The following CSGALNACT1 variants were observed in gnomAD, a reference collection of about 807,000 sequenced individuals.
CSGALNACT1 encodes chondroitin sulfate N-acetylgalactosaminyltransferase 1.
A neutral mutation model predicts 51.0 loss-of-function variants in CSGALNACT1; 52 were observed. That is an observed-to-expected ratio of 1.02 (90% CI 0.82 to 1.29). The LOEUF (loss-of-function observed/expected upper bound fraction) is 1.29, where lower values mean the gene tolerates loss of function less well. Ranked by LOEUF, CSGALNACT1 falls within the 50% of genes most tolerant of loss-of-function variation. The pLI is 0.00. For synonymous variants in CSGALNACT1, 341 were observed against 254.4 expected (o/e 1.34, Z -3.24); for missense variants, 935 against 679.2 (o/e 1.38, Z -4.19).
intron 6 of CSGALNACT1, among the ~76,000 whole-genome samples, chr8:19,433,684 T>G (rs1044926993): frequency 6.6e-6 from 1 of 152,178 alleles, no homozygotes; most frequent in Non-Finnish European, 1.5e-5. Context: ...AACTCTCTGG[T>G]TGTGATGTTT....
intron 5 of CSGALNACT1, among the ~76,000 whole-genome samples, chr8:19,444,151 G>T (rs1482808365): frequency 6.6e-6 from 1 of 152,218 alleles, no homozygotes; most frequent in Admixed American, 6.5e-5. Context: ...TGGACCAGGA[G>T]TTGGGGCCCC....
chr8:19,612,776 TTC>T (rs2052450025), intron 1 of CSGALNACT1, among the ~76,000 whole-genome samples: 1 of 151,916 alleles, frequency 6.6e-6, no homozygotes, highest in African/African-American at 2.4e-5. Flanking sequence ...AAAGTGGCTA[TTC>T]TCTCTTTGCA....
At chr8:19,752,196 CTATAT>C (rs1024291343) in intron 1 of CSGALNACT1, among the ~76,000 whole-genome samples, 1 of 147,582 alleles carries the variant, frequency 6.8e-6, no homozygotes, top group Non-Finnish European at 1.5e-5. Context: ...ATAATATATA[CTATAT>C]ATCTTATATG....
intron 4 of CSGALNACT1, 41 bp from the exon 4 acceptor site, chr8:19,458,683 A>G: frequency 6.3e-7 from 1 of 1,590,104 alleles, no homozygotes; most frequent in East Asian, 2.2e-5. Context: ...CTAAAAATTA[A>G]CCTTGGCTGC....
intron 1 of CSGALNACT1, among the ~76,000 whole-genome samples, chr8:19,608,957 T>G (rs1222210725): frequency 6.6e-6 from 1 of 152,226 alleles, no homozygotes; most frequent in Non-Finnish European, 1.5e-5. Flanking sequence ...AAATGGTCTC[T>G]CATTATCTTG....
intron 1 of CSGALNACT1, among the ~76,000 whole-genome samples, chr8:19,654,737 G>A (rs1214472599): frequency 6.6e-6 from 1 of 151,900 alleles, no homozygotes; most frequent in Non-Finnish European, 1.5e-5. Context: ...TAGAGACAGG[G>A]TTTTGCTATG....
intron 5 of CSGALNACT1, among the ~76,000 whole-genome samples, chr8:19,443,566 T>TTG (rs2061659805): frequency 6.6e-6 from 1 of 152,162 alleles, no homozygotes; most frequent in Admixed American, 6.5e-5. Context: ...GCAAGAGAGC[T>TTG]TGTGCAGGGG....
At chr8:19,410,631 G>A (rs1000682900) in intron 8 of CSGALNACT1, among the ~76,000 whole-genome samples, 10 of 152,340 alleles carry the variant, frequency 6.6e-5, no homozygotes, top group African/African-American at 2.2e-4. Context: ...CTGCACTGAT[G>A]TAGGGCCTTT....
At chr8:19,460,600 G>C (rs1274930801) in intron 4 of CSGALNACT1, among the ~76,000 whole-genome samples, 2 of 152,168 alleles carry the variant, frequency 1.3e-5, no homozygotes, top group Admixed American at 1.3e-4. Flanking sequence ...TCAATCTCCA[G>C]GGAGAAATCT....
chr8:19,505,574 C>T (rs775582519), exon 4 of CSGALNACT1: 29 of 1,614,062 alleles, frequency 1.8e-5, no homozygotes, highest in Non-Finnish European at 2.3e-5. Flanking sequence ...CACTCCTCTC[C>T]TGCAGCTCCT....
intron 2 of CSGALNACT1, among the ~76,000 whole-genome samples, chr8:19,592,494 G>A (rs1035972075): frequency 6.6e-5 from 10 of 152,222 alleles, no homozygotes; most frequent in Non-Finnish European, 1.5e-4. Flanking sequence ...GCCCATGCCT[G>A]TAATCCCAGC....
chr8:19,505,698 G>T lies in CSGALNACT1; in HGVS notation c.137C>A (p.Pro46His), dbSNP rs983236351. ...CTTCCCCGTGGGGCTGTTGGCCCTG[G>T]GCAGTGCCAGCTGCTCCTCGTCACC... The change falls in exon 4 of 10, where the codon CCC (proline) becomes CAC (histidine). Residue 46 changes from proline (P) to histidine (H), a missense_variant. Physicochemically the swap from Pro to His is moderately conservative, Grantham distance 77 (BLOSUM62 -2). Coordinates refer to ENST00000454498, the Ensembl canonical transcript of CSGALNACT1. 5.0e-6 allele frequency: 8 copies of T among 1,614,032 alleles called. No individual in the cohort carries two copies. The African/African-American group carries it at 6.7e-5, about 13-fold the overall frequency.
At chr8:19,485,627 A>C (rs1469711687) in intron 4 of CSGALNACT1, among the ~76,000 whole-genome samples, 2 of 152,110 alleles carry the variant, frequency 1.3e-5, no homozygotes, top group Non-Finnish European at 2.9e-5. Context: ...ACAAGATGAG[A>C]TTAATCATTC....
Position 19,506,149 on chromosome 8 carries a change from G to C in CSGALNACT1, c.-296-19C>G. On this transcript the variant is annotated intron_variant, in intron 3 of 9. Coordinates refer to ENST00000454498, the Ensembl canonical transcript of CSGALNACT1. ...AGGGGACCTGGGAAGAAACACAAAT[G>C]ACATCAACACTTAATCAAGACAACG... 1.4e-5 allele frequency: 8 copies of C among 563,894 alleles called. No individual in the cohort carries two copies. The highest frequency in any genetic ancestry group is 4.1e-5 in the East Asian group (1 of 24,340). The allele number at this position is 563,894 out of a possible 1,614,324, so 34.9% of individuals were successfully genotyped here.
At chr8:19,645,101 A>G (rs1323229269) in intron 1 of CSGALNACT1, among the ~76,000 whole-genome samples, 1 of 152,234 alleles carries the variant, frequency 6.6e-6, no homozygotes, top group Non-Finnish European at 1.5e-5. Flanking sequence ...TGATATGATT[A>G]GACTGTCAGA....
At chr8:19,563,849 C>T (rs1195725522) in intron 3 of CSGALNACT1, among the ~76,000 whole-genome samples, 1 of 152,118 alleles carries the variant, frequency 6.6e-6, no homozygotes, top group Non-Finnish European at 1.5e-5. Context: ...AGGCCTCCAA[C>T]CTCCCCTTCA....
intron 1 of CSGALNACT1, among the ~76,000 whole-genome samples, chr8:19,645,208 G>A (rs1346442906): frequency 6.6e-6 from 1 of 152,208 alleles, no homozygotes; most frequent in East Asian, 1.9e-4. Flanking sequence ...ATGAACAAAG[G>A]GAACAATGTG....
At chr8:19,483,322 C>T (rs551965638) in intron 4 of CSGALNACT1, among the ~76,000 whole-genome samples, 2 of 152,244 alleles carry the variant, frequency 1.3e-5, no homozygotes, top group Non-Finnish European at 2.9e-5. Context: ...AGCCCAAAGG[C>T]ATGTGAAGTT....
At chr8:19,728,527 T>C (rs1416574036) in intron 1 of CSGALNACT1, among the ~76,000 whole-genome samples, 1 of 151,050 alleles carries the variant, frequency 6.6e-6, no homozygotes, top group Non-Finnish European at 1.5e-5. Context: ...CAGGGTTCTG[T>C]GAGTTTAGGT....
Sources: gnomAD v4.1 joint callset for allele counts (sites outside exome capture counted in the v4.1 genomes callset) on GRCh38, gnomAD v4.1.1 for gene constraint, MANE v1.5 for transcripts, NCBI Gene and HGNC (gene_info 2026-07-23, HGNC 2026-07-21) for gene names.